Variants in TFCP2 observed in about 807,000 individuals in gnomAD.
TFCP2 encodes the protein alpha-globin transcription factor CP2.
In TFCP2, 33 loss-of-function variants were observed where a neutral mutation model predicts 73.4. The observed-to-expected ratio is 0.45, with a 90% CI of 0.34 to 0.60. TFCP2 has a LOEUF of 0.60. TFCP2 is among the 20% of genes least tolerant of loss of function. The pLI is 0.01. For synonymous variants in TFCP2, 193 were observed against 211.6 expected (o/e 0.91, Z 0.76); for missense variants, 352 against 604.0 (o/e 0.58, Z 4.37).
At chr12:51,102,919 A>G (rs1330349549) in intron 10 of TFCP2, among the ~76,000 whole-genome samples, 1 of 148,738 alleles carries the variant, frequency 6.7e-6, no homozygotes, top group Non-Finnish European at 1.5e-5. Context: ...TTTTTTGGAT[A>G]CCAGATGATT....
intron 1 of TFCP2, among the ~76,000 whole-genome samples, chr12:51,159,670 TAG>T (rs755658554): frequency 6.6e-6 from 1 of 152,042 alleles, no homozygotes; most frequent in South Asian, 2.1e-4. Context: ...GGTTTGTTTT[TAG>T]AGACAGGGTA....
At position 51,099,047 on chromosome 12, in the gene TFCP2, CAACCACTTGCAGCTGTGTG is replaced by C. The variant is rs553888487; in HGVS notation, c.1277-148_1277-130del. On this transcript the variant is annotated intron_variant, in intron 12 of 14. Transcript: ENST00000257915. The stretch of plus-strand genomic sequence containing the variant: ...CACTGCCTAAGTTCAAATCCTGGCT[CAACCACTTGCAGCTGTGTG>C]ACCTAGGGCAAGTTATTTAACATTC... The C allele has an allele frequency of 3.4e-4, 336 of 1,002,784 alleles. 1 individual carries two copies. In the African/African-American group the frequency reaches 4.7e-3, roughly 14 times the overall value. 62.1% of individuals were successfully genotyped at this position (1,002,784 alleles called of 1,614,324 possible).
chr12:51,095,411 C>G, intron 14 of TFCP2, 133 bp from the exon 15 acceptor site: 5 of 863,462 alleles, frequency 5.8e-6, no homozygotes, highest in Non-Finnish European at 5.7e-6. Flanking sequence ...TGAGATCACG[C>G]CACTGGACTC....
intron 1 of TFCP2, among the ~76,000 whole-genome samples, chr12:51,140,284 G>A (rs1941157022): frequency 6.6e-6 from 1 of 151,852 alleles, no homozygotes; most frequent in African/African-American, 2.4e-5. Context: ...GGACTCAAAG[G>A]CCAGGCATGG....
At chr12:51,113,780 G>A (rs1940455668) in intron 4 of TFCP2, among the ~76,000 whole-genome samples, 1 of 152,156 alleles carries the variant, frequency 6.6e-6, no homozygotes, top group Non-Finnish European at 1.5e-5. Flanking sequence ...TTTGACAAGG[G>A]TGCAAGACCA....
At chr12:51,126,140 G>A (rs773227523) in intron 1 of TFCP2, among the ~76,000 whole-genome samples, 4 of 151,542 alleles carry the variant, frequency 2.6e-5, no homozygotes, top group Non-Finnish European at 5.9e-5. Context: ...AGCTGAGGCA[G>A]GAGAATGGCG....
At position 51,109,333 on chromosome 12, in the gene TFCP2, A is replaced by AT. The variant is rs895405414; in HGVS notation, c.565-61dup. 2.9e-5 allele frequency: 45 copies of AT among 1,573,494 alleles called. No homozygotes were observed. The Middle Eastern group carries it at 5.1e-4, about 18-fold the overall frequency. On this transcript the variant is annotated intron_variant, in intron 5 of 14. Coordinates refer to ENST00000257915, the MANE Select transcript of TFCP2 (RefSeq NM_005653.5). ...CTAGCTAGCCAAACCAGTTGGCAGT[A>AT]TTTTTTTAGCAACTATTAACAGCAA...
At chr12:51,108,323 CGAAATTAT>C (rs1053655950) in intron 6 of TFCP2, among the ~76,000 whole-genome samples, 1 of 150,860 alleles carries the variant, frequency 6.6e-6, no homozygotes, top group African/African-American at 2.4e-5. Context: ...AGAACACATA[CGAAATTAT>C]GAAATTATGA....
At chr12:51,143,538 T>C (rs113349347) in intron 1 of TFCP2, among the ~76,000 whole-genome samples, 1 of 152,052 alleles carries the variant, frequency 6.6e-6, no homozygotes, top group Non-Finnish European at 1.5e-5. Context: ...ATGACAGTAA[T>C]AATTGCTAGC....
intron 1 of TFCP2, among the ~76,000 whole-genome samples, chr12:51,147,529 T>TG (rs34122712): frequency 0.29 from 43,248 of 147,614 alleles, 6,313 homozygotes; most frequent in South Asian, 0.38. Context: ...TAGGAAGAGG[T>TG]GGGGGGGGAA....
At chr12:51,131,289 C>A (rs543570169) in intron 1 of TFCP2, among the ~76,000 whole-genome samples, 1 of 143,246 alleles carries the variant, frequency 7.0e-6, no homozygotes, top group Non-Finnish European at 1.5e-5. Context: ...GAGCCAAGAT[C>A]GCACCACTGC....
At chr12:51,157,681 C>CTTTTTTT (rs770963610) in intron 1 of TFCP2, among the ~76,000 whole-genome samples, 4,146 of 77,196 alleles carry the variant, frequency 0.054, 156 homozygotes, top group Non-Finnish European at 0.072. Flanking sequence ...TTTTTCTTTT[C>CTTTTTTT]TTTTCTTTTT....
chr12:51,115,698 A>T (rs1304066585), intron 4 of TFCP2, among the ~76,000 whole-genome samples: 2 of 152,260 alleles, frequency 1.3e-5, no homozygotes, highest in African/African-American at 4.8e-5. Flanking sequence ...ATATACACAC[A>T]ATGGAGTATT....
chr12:51,151,804 G>C (rs1941433785), intron 1 of TFCP2, among the ~76,000 whole-genome samples: 2 of 152,086 alleles, frequency 1.3e-5, no homozygotes, highest in South Asian at 4.1e-4. Flanking sequence ...GCCAAACCTG[G>C]AACACTGTCA....
chr12:51,095,404 G>A, intron 14 of TFCP2, 126 bp from the exon 15 acceptor site: 1 of 980,412 alleles, frequency 1.0e-6, no homozygotes, highest in Non-Finnish European at 1.6e-6. Flanking sequence ...AGTGAGCTGA[G>A]ATCACGCCAC....
intron 1 of TFCP2, among the ~76,000 whole-genome samples, chr12:51,129,317 GC>G (rs2137000146): frequency 6.6e-6 from 1 of 151,982 alleles, no homozygotes; most frequent in Admixed American, 6.6e-5. Context: ...TTTGAGACCA[GC>G]CCGGCCAACA....
intron 1 of TFCP2, 88 bp downstream of exon 1, chr12:51,172,213 T>C (rs1182344388): frequency 1.3e-6 from 2 of 1,553,226 alleles, no homozygotes; most frequent in African/African-American, 2.7e-5. Context: ...TAAAACTCTA[T>C]ACACCTCCTT....
Position 51,172,598 on chromosome 12 carries a change from T to G in TFCP2, c.-176A>C. On this transcript the variant is annotated 5_prime_UTR_variant, in exon 1 of 15. Coordinates refer to ENST00000257915, the MANE Select transcript of TFCP2 (RefSeq NM_005653.5). ...TGCTCTGTGCACAACTAATCTCCCG[T>G]ACCCTTGGCTGCTCGTTCTTGGCTG... 1.1e-5 allele frequency: 8 copies of G among 732,490 alleles called. No individual in the cohort carries two copies. The highest frequency in any genetic ancestry group is 1.7e-5 in the Non-Finnish European group (8 of 471,518). The allele number at this position is 732,490 out of a possible 1,614,324, so 45.4% of individuals were successfully genotyped here.
intron 5 of TFCP2, among the ~76,000 whole-genome samples, chr12:51,110,406 C>G (rs1337543550): frequency 6.6e-6 from 1 of 151,912 alleles, no homozygotes; most frequent in Non-Finnish European, 1.5e-5. Flanking sequence ...CCACCTCTAC[C>G]AAAAATACAA....
Sources: allele counts gnomAD v4.1 joint callset (sites outside exome capture counted in the v4.1 genomes callset), GRCh38; gene constraint gnomAD v4.1.1; transcripts MANE v1.5; gene names NCBI Gene and HGNC (gene_info 2026-07-23, HGNC 2026-07-21).